Variants in FOXN3 observed in about 807,000 individuals in gnomAD.
The protein encoded by FOXN3 is forkhead box N3, also known as forkhead box protein N3.
A neutral mutation model predicts 38.4 loss-of-function variants in FOXN3; 7 were observed. The ratio of observed to expected loss-of-function variants is 0.18; its 90% CI spans 0.10 to 0.34. The LOEUF is 0.34. Ranked by LOEUF, FOXN3 falls within the 10% of genes least tolerant of loss-of-function variation. The pLI is 1.00. For synonymous variants in FOXN3, 230 were observed against 242.2 expected (o/e 0.95, Z 0.47); for missense variants, 456 against 613.4 (o/e 0.74, Z 2.71).
chr14:89,171,797 AG>A (rs1434725719), intron 5 of FOXN3, among the ~76,000 whole-genome samples: 1 of 152,218 alleles, frequency 6.6e-6, no homozygotes, highest in Non-Finnish European at 1.5e-5. Context: ...ACTGTGAATC[AG>A]TAACATGGGT....
At chr14:89,165,444 T>C (rs1028942027) in intron 5 of FOXN3, among the ~76,000 whole-genome samples, 1 of 152,166 alleles carries the variant, frequency 6.6e-6, no homozygotes, top group African/African-American at 2.4e-5. Context: ...CTCTGAGCAG[T>C]CTTGTTTTCT....
intron 3 of FOXN3, among the ~76,000 whole-genome samples, chr14:89,332,328 T>G (rs557795190): frequency 2.9e-4 from 44 of 152,302 alleles, no homozygotes; most frequent in African/African-American, 1.0e-3. Flanking sequence ...AATAACAGAC[T>G]TCATCTTTTA....
chr14:89,336,244 A>ATCCATCCATCCATCCC, intron 3 of FOXN3, among the ~76,000 whole-genome samples: 1 of 150,614 alleles, frequency 6.6e-6, no homozygotes, highest in African/African-American at 2.4e-5. Flanking sequence ...CCATCCATCC[A>ATCCATCCATCCATCCC]TCCATTCATC....
intron 3 of FOXN3, among the ~76,000 whole-genome samples, chr14:89,298,472 T>TAAA (rs55856005): frequency 0.24 from 29,937 of 122,842 alleles, 3,438 homozygotes; most frequent in South Asian, 0.3. Flanking sequence ...TCCGTCTATT[T>TAAA]AAAAAAAAAA....
intron 3 of FOXN3, among the ~76,000 whole-genome samples, chr14:89,349,012 G>A (rs773818838): frequency 9.9e-5 from 15 of 152,162 alleles, no homozygotes; most frequent in Non-Finnish European, 1.6e-4. Context: ...AAAGGGAGAT[G>A]AAATACTTCT....
At chr14:89,333,272 CA>C (rs143919360) in intron 3 of FOXN3, 4 of 152,068 alleles carry the variant, frequency 2.6e-5, no homozygotes, top group South Asian at 1.9e-4. Context: ...AATAAAAATA[CA>C]AAAAAAAATT....
At chr14:89,309,686 C>G (rs1271787408) in intron 3 of FOXN3, among the ~76,000 whole-genome samples, 1 of 152,188 alleles carries the variant, frequency 6.6e-6, no homozygotes, top group Non-Finnish European at 1.5e-5. Context: ...AAGGCCCGGC[C>G]TCTACAGCAG....
intron 3 of FOXN3, among the ~76,000 whole-genome samples, chr14:89,333,972 ATATATATATATATATAT>A: frequency 6.8e-4 from 1 of 1,476 alleles, no homozygotes; most frequent in Middle Eastern, 0.5. Context: ...GTGTGTATAT[ATATATATATATATATAT>A]ATATATATAT....
intron 3 of FOXN3, among the ~76,000 whole-genome samples, chr14:89,309,579 G>A (rs2139957187): frequency 6.6e-6 from 1 of 152,308 alleles, no homozygotes; most frequent in East Asian, 1.9e-4. Context: ...CAAAACCAAG[G>A]CAGAGGCTGA....
chr14:89,407,618 G>C (rs552461338), intron 2 of FOXN3, among the ~76,000 whole-genome samples: 72 of 152,268 alleles, frequency 4.7e-4, no homozygotes, highest in African/African-American at 1.6e-3. Flanking sequence ...GATTGCTTGA[G>C]GCCAGGAATT....
At chr14:89,358,122 G>A (rs1889309696) in intron 2 of FOXN3, among the ~76,000 whole-genome samples, 1 of 152,176 alleles carries the variant, frequency 6.6e-6, no homozygotes, top group Non-Finnish European at 1.5e-5. Context: ...AGTCTCTGTA[G>A]GTCACATGGT....
intron 4 of FOXN3, among the ~76,000 whole-genome samples, chr14:89,212,515 A>G (rs146142309): frequency 2.5e-4 from 38 of 152,264 alleles, no homozygotes; most frequent in African/African-American, 8.7e-4. Context: ...CCTGGGTGTC[A>G]AGAGGCAGTT....
chr14:89,414,596 C>T (rs1187582754), intron 1 of FOXN3, among the ~76,000 whole-genome samples: 1 of 148,918 alleles, frequency 6.7e-6, no homozygotes, highest in Non-Finnish European at 1.5e-5. Context: ...CTCTGTTGCC[C>T]AGGCTGGAGT....
At chr14:89,499,332 G>A (rs148714817) in intron 1 of FOXN3, among the ~76,000 whole-genome samples, 137 of 152,172 alleles carry the variant, frequency 9.0e-4, no homozygotes, top group African/African-American at 3.0e-3. Flanking sequence ...AACTGTCCCT[G>A]AGCACTGAAG....
intron 3 of FOXN3, among the ~76,000 whole-genome samples, chr14:89,300,457 C>T (rs1382844537): frequency 6.6e-6 from 1 of 152,210 alleles, no homozygotes; most frequent in Non-Finnish European, 1.5e-5. Flanking sequence ...GATGGGTTTA[C>T]AGGCGTGAGC....
chr14:89,473,499 G>A (rs770071685), intron 1 of FOXN3, among the ~76,000 whole-genome samples: 6 of 150,540 alleles, frequency 4.0e-5, no homozygotes, highest in African/African-American at 1.2e-4. Flanking sequence ...CCTCAGCCTC[G>A]CAAGTAGCTG....
At chr14:89,299,613 T>C (rs1488898769) in intron 3 of FOXN3, among the ~76,000 whole-genome samples, 3 of 152,190 alleles carry the variant, frequency 2.0e-5, no homozygotes, top group African/African-American at 7.2e-5. Context: ...GCCTCAGAGA[T>C]GGAGATGATA....
At position 89,318,491 on chromosome 14, in the gene FOXN3, A is replaced by G. The variant is rs145580879; in HGVS notation, c.680+32181T>C. Among the ~76,000 whole-genome samples, 4 of 152,232 alleles carry G rather than the reference A, an allele frequency of 2.6e-5. No homozygotes were observed. In the East Asian group the frequency reaches 7.7e-4, roughly 29 times the overall value. ...CTTTCTCTCATTCATTGATTCAGCA[A>G]TTGGTTATTAAAAAGCTACAGCCAG... is the stretch of plus-strand genomic sequence containing the variant. On this transcript the variant is annotated intron_variant, in intron 3 of 5. Coordinates refer to ENST00000557258, the MANE Select transcript of FOXN3 (RefSeq NM_005197.4).
intron 2 of FOXN3, among the ~76,000 whole-genome samples, chr14:89,398,069 C>T (rs535116561): frequency 3.3e-5 from 5 of 152,334 alleles, no homozygotes; most frequent in African/African-American, 1.2e-4. Flanking sequence ...TCCAGTGGCA[C>T]TGCTAAACCT....
Sources: allele counts gnomAD v4.1 joint callset (sites outside exome capture counted in the v4.1 genomes callset), GRCh38; gene constraint gnomAD v4.1.1; transcripts MANE v1.5; gene names NCBI Gene and HGNC (gene_info 2026-07-23, HGNC 2026-07-21).